Variants in GPD2 observed in about 807,000 individuals in gnomAD.
The protein encoded by GPD2 is glycerol-3-phosphate dehydrogenase, mitochondrial.
In GPD2, 54 loss-of-function variants were observed where a neutral mutation model predicts 82.4. The observed-to-expected ratio is 0.66, with a 90% CI of 0.53 to 0.82. The LOEUF (loss-of-function observed/expected upper bound fraction) is 0.82, where lower values mean the gene tolerates loss of function less well. GPD2 is among the 40% of genes least tolerant of loss of function. The probability of loss-of-function intolerance (pLI) is 0.00; values close to 1 mark genes in which losing one functional copy is unlikely to be tolerated. For missense variants in GPD2, 748 were observed against 896.2 expected (o/e 0.83, Z 2.11); for synonymous variants, 288 against 306.1 (o/e 0.94, Z 0.62).
chr2:156,455,133 T>C (rs1480386731), intron 1 of GPD2, among the ~76,000 whole-genome samples: 2 of 152,144 alleles, frequency 1.3e-5, no homozygotes, highest in African/African-American at 4.8e-5. Flanking sequence ...CTGTCCCCTC[T>C]GTAATGACTG....
At position 156,569,492 on chromosome 2, in the gene GPD2, C is replaced by T. The variant is rs1465545678; in HGVS notation, c.1430C>T (p.Pro477Leu). 1 of 1,613,046 alleles carries T rather than the reference C, an allele frequency of 6.2e-7. No individual in the cohort carries two copies. Among genetic ancestry groups the T allele is most frequent in the Non-Finnish European group, 8.5e-7 (1 of 1,179,304 alleles). ...LFLQGGKDWS[P>L]TLYIRLVQDY... The stretch of plus-strand genomic sequence containing the variant: ...CTTCAAGGGGGTAAAGATTGGAGCC[C>T]CACACTCTACATTAGGCTTGTGCAG... Residue 477 changes from proline to leucine, a missense_variant, in exon 11 of 17, where the codon CCC (proline) becomes CTC (leucine). Physicochemically the swap from Pro to Leu is moderately conservative, Grantham distance 98 (BLOSUM62 -3). Around this residue, in one of 3 missense-constraint regions of GPD2, gnomAD observed 692 missense variants for 809.7 expected, o/e 0.85. Transcript: ENST00000438166.
At chr2:156,440,380 A>C (rs1164358005) in intron 1 of GPD2, among the ~76,000 whole-genome samples, 2 of 152,250 alleles carry the variant, frequency 1.3e-5, no homozygotes, top group East Asian at 3.8e-4. Context: ...TTTAAGAAAA[A>C]GAAAGGAAGA....
At chr2:156,425,404 T>C in the GPD2 span, among the ~76,000 whole-genome samples, 1 of 152,214 alleles carries the variant, frequency 6.6e-6, no homozygotes, top group Non-Finnish European at 1.5e-5. Context: ...CAAGCCGTTA[T>C]TCAATTAAAA....
chr2:156,538,631 T>A (rs148433312), intron 6 of GPD2, among the ~76,000 whole-genome samples: 1 of 151,744 alleles, frequency 6.6e-6, no homozygotes, highest in African/African-American at 2.4e-5. Context: ...CCATCCTGGC[T>A]AACACGGTGA....
intron 7 of GPD2, among the ~76,000 whole-genome samples, chr2:156,550,199 A>G (rs1161840300): frequency 1.3e-5 from 2 of 152,244 alleles, no homozygotes; most frequent in Admixed American, 1.3e-4. Context: ...CCATATAAGT[A>G]GGCAGTTTCC....
chr2:156,512,386 A>C, intron 5 of GPD2, 69 bp downstream of exon 5: 1 of 806,796 alleles, frequency 1.2e-6, no homozygotes, highest in Middle Eastern at 2.2e-4. Context: ...TTTTAATGGA[A>C]ATAATCCCTC....
chr2:156,579,890 T>G, intron 16 of GPD2, 102 bp downstream of exon 16: 1 of 725,422 alleles, frequency 1.4e-6, no homozygotes, highest in Admixed American at 2.0e-5. Flanking sequence ...CACACAATTG[T>G]CAGATTATTC....
intron 16 of GPD2, 99 bp downstream of exon 16, chr2:156,579,887 T>C (rs946609202): frequency 1.4e-6 from 1 of 729,092 alleles, no homozygotes; most frequent in Non-Finnish European, 2.5e-6. Context: ...GTCCACACAA[T>C]TGTCAGATTA....
At chr2:156,483,934 G>A (rs1361064882) in intron 2 of GPD2, among the ~76,000 whole-genome samples, 2 of 148,450 alleles carry the variant, frequency 1.3e-5, no homozygotes, top group East Asian at 2.0e-4. Context: ...CTTCCTGAAC[G>A]TTGATGTAGC....
chr2:156,530,901 G>A (rs983721903), intron 6 of GPD2, among the ~76,000 whole-genome samples: 3 of 152,068 alleles, frequency 2.0e-5, no homozygotes, highest in Admixed American at 6.5e-5. Flanking sequence ...TTTGTTTCCT[G>A]GGCTGGACTT....
intron 13 of GPD2, among the ~76,000 whole-genome samples, chr2:156,571,736 A>T (rs1687646847): frequency 7.1e-6 from 1 of 140,186 alleles, no homozygotes; most frequent in Admixed American, 7.7e-5. Context: ...GGTGATGCTC[A>T]GATGCATACA....
At position 156,549,634 on chromosome 2, in the gene GPD2, C is replaced by G. The variant is rs1166670378; in HGVS notation, c.688C>G (p.Leu230Val). The G allele has an allele frequency of 1.2e-6, 2 of 1,613,948 alleles. No homozygotes were observed. Among genetic ancestry groups the G allele is most frequent in the Admixed American group, 1.7e-5 (1 of 59,994 alleles). The part of the protein sequence containing the change: ...DGQHNDARMN[L>V]AIALTAARYG... ...ACAACATAACGATGCACGGATGAAC[C>G]TTGCCATTGCTCTGACTGCTGCCAG... The change falls in exon 7 of 17, where the codon CTT becomes GTT. Residue 230 changes from leucine to valine, a missense_variant. By Grantham distance (32) the Leu-to-Val change is conservative. Around this residue, in one of 3 missense-constraint regions of GPD2, gnomAD observed 692 missense variants for 809.7 expected, o/e 0.85. Coordinates refer to ENST00000438166, the MANE Select transcript of GPD2 (RefSeq NM_000408.5).
chr2:156,499,319 A>G (rs945984298), intron 3 of GPD2, among the ~76,000 whole-genome samples: 1 of 152,194 alleles, frequency 6.6e-6, no homozygotes, highest in African/African-American at 2.4e-5. Flanking sequence ...TACAGAAAAT[A>G]GAAAGTCACA....
intron 9 of GPD2, among the ~76,000 whole-genome samples, chr2:156,567,652 G>A (rs1687440507): frequency 1.3e-5 from 2 of 152,028 alleles, no homozygotes; most frequent in South Asian, 4.2e-4. Context: ...ATATCATCAG[G>A]CAACTTTCAG....
intron 2 of GPD2, among the ~76,000 whole-genome samples, chr2:156,480,080 A>G (rs1433011196): frequency 6.6e-6 from 1 of 152,214 alleles, no homozygotes; most frequent in Non-Finnish European, 1.5e-5. Flanking sequence ...TAATTGGATG[A>G]AACTTGGAGG....
At position 156,459,319 on chromosome 2, in the gene GPD2, G is replaced by A. The variant is rs369010107; in HGVS notation, c.-8-16779G>A. On this transcript the variant is annotated intron_variant, in intron 1 of 16. Coordinates refer to ENST00000438166, the MANE Select transcript of GPD2 (RefSeq NM_000408.5). ...GGTGAGTGACTTACGCCTACTGTCC[G>A]GTTTAGGTGGTAAAAATGGCAGAAG... Among the ~76,000 whole-genome samples, 13 of 152,164 alleles carry A rather than the reference G, an allele frequency of 8.5e-5. No individual in the cohort carries two copies. The East Asian group carries it at 1.7e-3, about 20-fold the overall frequency.
intron 6 of GPD2, among the ~76,000 whole-genome samples, chr2:156,515,573 C>A (rs1685171848): frequency 6.6e-6 from 1 of 152,114 alleles, no homozygotes; most frequent in South Asian, 2.1e-4. Flanking sequence ...AAAGATTATT[C>A]TCTTAGAATC....
At position 156,583,078 on chromosome 2, in the gene GPD2, G is replaced by C. The variant is rs3754772; in HGVS notation, c.*160G>C. 1,022 of 732,868 alleles carry C rather than the reference G, an allele frequency of 1.4e-3. 13 individuals are homozygous for C. The East Asian group carries it at 0.024, about 17-fold the overall frequency. 45.4% of individuals were successfully genotyped at this position (732,868 alleles called of 1,614,324 possible). A position where few individuals can be genotyped will look rare whatever the true frequency, so the allele number is the denominator to read the frequency against. ...CTTTAAGGTGTTGGTGTATTTGCCAGCTTTATTTGCTGTACTTTATTTGTA... is the reference window on the plus strand; with the variant it reads ...CTTTAAGGTGTTGGTGTATTTGCCACCTTTATTTGCTGTACTTTATTTGTA... On this transcript the variant is annotated 3_prime_UTR_variant, in exon 17 of 17. Transcript: ENST00000438166.
At chr2:156,502,754 A>G (rs901687455) in intron 3 of GPD2, among the ~76,000 whole-genome samples, 1 of 134,786 alleles carries the variant, frequency 7.4e-6, no homozygotes, top group African/African-American at 2.5e-5. Flanking sequence ...TCCTTTTGTT[A>G]TGTTATATCT....
Sources: gnomAD v4.1 joint callset for allele counts (sites outside exome capture counted in the v4.1 genomes callset) on GRCh38, gnomAD v4.1.1 for gene constraint, gnomAD v4.1.1 regional missense constraint, MANE v1.5 for transcripts, NCBI Gene and HGNC (gene_info 2026-07-23, HGNC 2026-07-21) for gene names.